The following CA8 variants were observed in gnomAD, a reference collection of about 807,000 sequenced individuals.
CA8 encodes the protein carbonic anhydrase-related protein.
CA8 carries 22 observed loss-of-function variants against 41.4 expected under a neutral mutation model. That is an observed-to-expected ratio of 0.53 (90% CI 0.38 to 0.76). The LOEUF is 0.76. Among genes scored for constraint, CA8 ranks in the 30% least tolerant of loss-of-function variants. The pLI, the probability that CA8 is intolerant of heterozygous loss-of-function variation, is 0.00. For synonymous variants in CA8, 121 were observed against 130.6 expected, an observed-to-expected ratio of 0.93 and a Z score of 0.50; for missense variants, 270 against 352.8, an observed-to-expected ratio of 0.77 and a Z score of 1.88.
intron 3 of CA8, among the ~76,000 whole-genome samples, chr8:60,248,095 T>TG (rs1808312897): frequency 6.7e-6 from 1 of 148,822 alleles, no homozygotes; most frequent in African/African-American, 2.6e-5. Flanking sequence ...CAGTTTTTGA[T>TG]GTTTTTTTTT....
At chr8:60,260,834 A>G (rs912734787) in intron 3 of CA8, among the ~76,000 whole-genome samples, 6 of 152,240 alleles carry the variant, frequency 3.9e-5, no homozygotes, top group African/African-American at 1.4e-4. Flanking sequence ...CCCTTATTTT[A>G]GAAGAGGTTC....
chr8:60,251,260 C>T (rs577978475), intron 3 of CA8, among the ~76,000 whole-genome samples: 4 of 152,178 alleles, frequency 2.6e-5, no homozygotes, highest in Admixed American at 6.5e-5. Context: ...GGGAGAAGGA[C>T]GTCTCTGTCC....
At chr8:60,196,003 G>A (rs1806270195) in intron 8 of CA8, among the ~76,000 whole-genome samples, 6 of 152,018 alleles carry the variant, frequency 3.9e-5, no homozygotes. Context: ...AGATATTACT[G>A]TTAATTATTT....
At chr8:60,242,361 A>G (rs1808058611) in intron 3 of CA8, among the ~76,000 whole-genome samples, 1 of 152,228 alleles carries the variant, frequency 6.6e-6, no homozygotes, top group South Asian at 2.1e-4. Context: ...ATGGAGGTAC[A>G]GAAAGTGAAG....
chr8:60,239,663 G>A (rs1226747790), intron 3 of CA8, among the ~76,000 whole-genome samples: 1 of 152,156 alleles, frequency 6.6e-6, no homozygotes, highest in East Asian at 1.9e-4. Flanking sequence ...GATTGATACG[G>A]TTTGGCTGTG....
chr8:60,216,905 T>C (rs1807040683), intron 7 of CA8, among the ~76,000 whole-genome samples: 1 of 152,182 alleles, frequency 6.6e-6, no homozygotes, highest in Non-Finnish European at 1.5e-5. Context: ...GTTTTTGAGA[T>C]GGAGTTTCAT....
At chr8:60,203,345 T>G (rs891803135) in intron 8 of CA8, among the ~76,000 whole-genome samples, 1 of 152,168 alleles carries the variant, frequency 6.6e-6, no homozygotes, top group African/African-American at 2.4e-5. Context: ...AAGGATAACT[T>G]CCCTGATTGT....
intron 8 of CA8, among the ~76,000 whole-genome samples, chr8:60,206,286 T>C (rs953857274): frequency 6.6e-6 from 1 of 152,192 alleles, no homozygotes; most frequent in African/African-American, 2.4e-5. Context: ...TCATCTATCA[T>C]ATAAAGAATA....
At position 60,209,071 on chromosome 8, in the gene CA8, T is replaced by G; in HGVS notation, c.739-152A>C. 5 of 874,210 alleles carry G rather than the reference T, an allele frequency of 5.7e-6. No individual in the cohort carries two copies. The South Asian group carries it at 6.9e-5, about 12-fold the overall frequency. The allele number at this position is 874,210 out of a possible 1,614,324, so 54.2% of individuals were successfully genotyped here. On this transcript the variant is annotated intron_variant, in intron 7 of 8. Transcript: ENST00000317995. The stretch of plus-strand genomic sequence containing the variant: ...AGCTTCAAAAAGAAAAAAAACAGAC[T>G]TAATTCTTCCAGACCTAAGACGTTA...
At chr8:60,276,401 A>C (rs1472157080) in intron 2 of CA8, among the ~76,000 whole-genome samples, 1 of 152,184 alleles carries the variant, frequency 6.6e-6, no homozygotes, top group East Asian at 1.9e-4. Context: ...GATGCACGCT[A>C]ATGTCCTAAG....
chr8:60,198,196 C>T (rs949703529), intron 8 of CA8, among the ~76,000 whole-genome samples: 2 of 152,100 alleles, frequency 1.3e-5, no homozygotes, highest in Non-Finnish European at 2.9e-5. Flanking sequence ...TGGCTGTGAC[C>T]TTTAGCAAGT....
At chr8:60,265,341 A>C (rs1003505338) in intron 3 of CA8, 3 of 156,500 alleles carry the variant, frequency 1.9e-5, no homozygotes, top group African/African-American at 7.2e-5. Flanking sequence ...AATTCTGCCT[A>C]GGGAAAAAAC....
In CA8 at chr8:60,222,558, G is replaced by A. The variant is rs1384418603; in HGVS notation, c.738+91C>T. On this transcript the variant is annotated intron_variant, in intron 7 of 8. Coordinates refer to ENST00000317995, the MANE Select transcript of CA8 (RefSeq NM_004056.6). ...CTGGAAAGGTATGACTGATCTACAGGAAGCTAAAACACAAAACAGACATTT... is the reference window on the plus strand; with the variant it reads ...CTGGAAAGGTATGACTGATCTACAGAAAGCTAAAACACAAAACAGACATTT... 7.4e-6 allele frequency: 6 copies of A among 805,546 alleles called. No individual in the cohort carries two copies. The African/African-American group carries it at 1.0e-4, about 14-fold the overall frequency. The allele number at this position is 805,546 out of a possible 1,614,324, so 49.9% of individuals were successfully genotyped here. A position where few individuals can be genotyped will look rare whatever the true frequency, so the allele number is the denominator to read the frequency against.
At chr8:60,274,354 C>A (rs1168873713) in intron 2 of CA8, among the ~76,000 whole-genome samples, 1 of 151,932 alleles carries the variant, frequency 6.6e-6, no homozygotes, top group Non-Finnish European at 1.5e-5. Context: ...TAATGGGCGG[C>A]GGTAGGGGGG....
intron 8 of CA8, among the ~76,000 whole-genome samples, chr8:60,196,750 T>C (rs560084875): frequency 5.6e-4 from 86 of 152,244 alleles, no homozygotes; most frequent in African/African-American, 1.9e-3. Flanking sequence ...TCTATCCTTC[T>C]GATAAAATGA....
chr8:60,275,933 T>C (rs866347979), intron 2 of CA8, among the ~76,000 whole-genome samples: 9 of 152,212 alleles, frequency 5.9e-5, no homozygotes, highest in Non-Finnish European at 1.0e-4. Flanking sequence ...AATGTAATCA[T>C]GATGTCAAAC....
intron 2 of CA8, among the ~76,000 whole-genome samples, chr8:60,278,093 T>C (rs139739239): frequency 8.6e-4 from 128 of 149,278 alleles, no homozygotes; most frequent in African/African-American, 3.0e-3. Context: ...CCATAGTCTC[T>C]GTTTTAGAGT....
intron 3 of CA8, among the ~76,000 whole-genome samples, chr8:60,251,079 A>G (rs1328020262): frequency 6.6e-6 from 1 of 152,210 alleles, no homozygotes; most frequent in African/African-American, 2.4e-5. Flanking sequence ...GAGAAGGTGG[A>G]CACAGGTTCC....
chr8:60,248,851 C>T (rs1808345937), intron 3 of CA8, among the ~76,000 whole-genome samples: 1 of 152,078 alleles, frequency 6.6e-6, no homozygotes, highest in Admixed American at 6.5e-5. Flanking sequence ...TTACTTCGGG[C>T]AGTATGGCCA....
Sources: allele counts gnomAD v4.1 joint callset (sites outside exome capture counted in the v4.1 genomes callset), GRCh38; gene constraint gnomAD v4.1.1; transcripts MANE v1.5; gene names NCBI Gene and HGNC (gene_info 2026-07-23, HGNC 2026-07-21).